FSTL4: variants seen among roughly 807,000 people sequenced by gnomAD.
FSTL4 encodes follistatin like 4, also known as follistatin-related protein 4.
A neutral mutation model predicts 78.2 loss-of-function variants in FSTL4; 28 were observed. The observed-to-expected ratio is 0.36, with a 90% confidence interval of 0.27 to 0.49. The LOEUF is 0.49. Among genes scored for constraint, FSTL4 ranks in the 20% least tolerant of loss-of-function variants. FSTL4 has a pLI of 0.98. For synonymous variants in FSTL4, 422 were observed against 440.5 expected, an observed-to-expected ratio of 0.96 and a Z score of 0.53; for missense variants, 922 against 1,084.9, an observed-to-expected ratio of 0.85 and a Z score of 2.11.
At chr5:133,643,003 C>A in the FSTL4 span, among the ~76,000 whole-genome samples, 15 of 152,240 alleles carry the variant, frequency 9.9e-5, no homozygotes, top group South Asian at 3.1e-3. Context: ...ACTGCAGTAA[C>A]CTTAGAAAAT....
At chr5:133,326,693 C>T (rs1232088690) in intron 4 of FSTL4, among the ~76,000 whole-genome samples, 1 of 152,232 alleles carries the variant, frequency 6.6e-6, no homozygotes, top group Non-Finnish European at 1.5e-5. Context: ...GAGCTGTTTC[C>T]ATCCATTCCA....
rs552810079 is a variant in FSTL4, at chr5:133,510,918, G to A, written c.160+56268C>T. On this transcript the variant is annotated intron_variant, in intron 3 of 15. Coordinates refer to ENST00000265342, the MANE Select transcript of FSTL4 (RefSeq NM_015082.2). ...GATGGGGACATGAAAGCCAGCTCTC[G>A]CTCAAAAAGGGTTTCTGTATAGCTC... is the stretch of plus-strand genomic sequence containing the variant. 1.1e-3 allele frequency among the ~76,000 whole-genome samples: 168 copies of A among 152,210 alleles called. 2 individuals are homozygous for A. Among genetic ancestry groups the A allele is most frequent in the African/African-American group, 3.9e-3 (162 of 41,530 alleles).
chr5:133,296,938 G>A (rs971585434), intron 6 of FSTL4, among the ~76,000 whole-genome samples: 1 of 152,196 alleles, frequency 6.6e-6, no homozygotes, highest in Admixed American at 6.5e-5. Flanking sequence ...TGCCTTGGGG[G>A]CTGGGGCTGG....
chr5:133,616,613 G>A (rs373942152), upstream of FSTL4, among the ~76,000 whole-genome samples: 4 of 152,114 alleles, frequency 2.6e-5, no homozygotes, highest in East Asian at 5.8e-4. Context: ...TGTTGCCCAG[G>A]CTGGTCTTGA....
intron 3 of FSTL4, among the ~76,000 whole-genome samples, chr5:133,544,840 A>C (rs904298926): frequency 2.6e-5 from 4 of 152,180 alleles, no homozygotes; most frequent in African/African-American, 9.7e-5. Flanking sequence ...ATATTTGGGG[A>C]GCTAAGAGCT....
chr5:133,451,220 T>C (rs1757377238), intron 3 of FSTL4, among the ~76,000 whole-genome samples: 2 of 152,178 alleles, frequency 1.3e-5, no homozygotes, highest in Non-Finnish European at 2.9e-5. Flanking sequence ...ACTGTTTCCC[T>C]TCCAATCAGG....
intron 2 of FSTL4, among the ~76,000 whole-genome samples, chr5:133,598,284 G>A (rs929572654): frequency 2.0e-5 from 3 of 152,048 alleles, no homozygotes; most frequent in African/African-American, 7.3e-5. Context: ...CCCAGGATCT[G>A]AAGTATCAGC....
the FSTL4 span, among the ~76,000 whole-genome samples, chr5:133,810,906 G>A: frequency 3.3e-5 from 5 of 152,290 alleles, no homozygotes; most frequent in South Asian, 2.1e-4. Flanking sequence ...ATTCACCTGC[G>A]CAAGCTTCCA....
At position 133,549,939 on chromosome 5, in the gene FSTL4, A is replaced by C. The variant is rs56040900; in HGVS notation, c.160+17247T>G. On this transcript the variant is annotated intron_variant, in intron 3 of 15. Coordinates refer to ENST00000265342, the MANE Select transcript of FSTL4 (RefSeq NM_015082.2). Reference sequence around the variant, plus strand: ...CATCCTTACACTAGAGAGGTAGCCTACTGGGGTCTGTTGGGGTCTCAGCTT... The same window carrying C: ...CATCCTTACACTAGAGAGGTAGCCTCCTGGGGTCTGTTGGGGTCTCAGCTT... 5.4e-3 allele frequency among the ~76,000 whole-genome samples: 816 copies of C among 152,292 alleles called. 7 individuals are homozygous for C. Among genetic ancestry groups the C allele is most frequent in the African/African-American group, 0.019 (780 of 41,562 alleles).
At chr5:133,707,528 C>A in the FSTL4 span, among the ~76,000 whole-genome samples, 1 of 152,216 alleles carries the variant, frequency 6.6e-6, no homozygotes, top group African/African-American at 2.4e-5. Context: ...TGGAAAGCAT[C>A]CCTGTAGCCT....
intron 6 of FSTL4, among the ~76,000 whole-genome samples, chr5:133,312,181 C>T (rs896389943): frequency 1.3e-5 from 2 of 152,188 alleles, no homozygotes; most frequent in Non-Finnish European, 2.9e-5. Flanking sequence ...TGCCTCTCTT[C>T]ACATTGGACC....
chr5:133,498,265 A>G lies in FSTL4; in HGVS notation c.160+68921T>C, dbSNP rs565048637. Among the ~76,000 whole-genome samples, 266 of 152,330 alleles carry G rather than the reference A, an allele frequency of 1.7e-3. 2 individuals carry two copies. The highest frequency in any genetic ancestry group is 3.3e-3 in the Non-Finnish European group (225 of 68,038). ...TTCTCTCATCTCTGTCTTCAGTGAA[A>G]TAATGTTTGAGAAAGTTTCCTCTCC... On this transcript the variant is annotated intron_variant, in intron 3 of 15. Transcript: ENST00000265342.
At chr5:133,325,887 C>A (rs1754199765) in intron 4 of FSTL4, among the ~76,000 whole-genome samples, 1 of 152,234 alleles carries the variant, frequency 6.6e-6, no homozygotes. Context: ...CCCACACTTT[C>A]CCCATTAGCC....
intron 3 of FSTL4, among the ~76,000 whole-genome samples, chr5:133,537,799 C>T (rs72789116): frequency 0.057 from 7,946 of 138,926 alleles, 238 homozygotes; most frequent in Middle Eastern, 0.11. Flanking sequence ...TATATATATA[C>T]ACACACACAC....
chr5:133,324,403 A>G (rs996221989), intron 4 of FSTL4, among the ~76,000 whole-genome samples: 2 of 152,164 alleles, frequency 1.3e-5, no homozygotes, highest in African/African-American at 4.8e-5. Flanking sequence ...GTGGGGCGGG[A>G]AAGTGGGCTC....
intron 6 of FSTL4, among the ~76,000 whole-genome samples, chr5:133,260,101 T>C (rs1410368900): frequency 1.3e-5 from 2 of 152,212 alleles, no homozygotes; most frequent in African/African-American, 2.4e-5. Flanking sequence ...GCAGAATAGA[T>C]GCAAGTCTTT....
intron 3 of FSTL4, among the ~76,000 whole-genome samples, chr5:133,516,880 G>T (rs1030134363): frequency 6.6e-6 from 1 of 152,176 alleles, no homozygotes; most frequent in African/African-American, 2.4e-5. Context: ...AATTTATGGT[G>T]TTGGAACAAT....
the FSTL4 span, among the ~76,000 whole-genome samples, chr5:133,792,127 C>T: frequency 3.9e-5 from 6 of 152,118 alleles, no homozygotes; most frequent in African/African-American, 7.2e-5. Flanking sequence ...CATCAACAGC[C>T]CCAGAAGGAA....
intron 3 of FSTL4, among the ~76,000 whole-genome samples, chr5:133,516,860 T>C (rs1367727287): frequency 6.6e-6 from 1 of 152,108 alleles, no homozygotes; most frequent in Non-Finnish European, 1.5e-5. Context: ...AAAGAAAGGA[T>C]ATGTCATTTA....
Sources: allele counts gnomAD v4.1 joint callset (sites outside exome capture counted in the v4.1 genomes callset), GRCh38; gene constraint gnomAD v4.1.1; transcripts MANE v1.5; gene names NCBI Gene and HGNC (gene_info 2026-07-23, HGNC 2026-07-21).